Variants in TFAP2B observed in about 807,000 individuals in gnomAD.
TFAP2B encodes the protein transcription factor AP-2 beta.
TFAP2B carries 9 observed loss-of-function variants against 44.3 expected under a neutral mutation model. The observed-to-expected ratio is 0.20, with a 90% CI of 0.12 to 0.35. The LOEUF (loss-of-function observed/expected upper bound fraction) is 0.35, where lower values mean the gene tolerates loss of function less well. Ranked by LOEUF, TFAP2B falls within the 10% of genes least tolerant of loss-of-function variation. The pLI is 1.00. For missense variants in TFAP2B, 509 were observed against 600.0 expected (o/e 0.85, Z 1.59); for synonymous variants, 270 against 263.8 (o/e 1.02, Z -0.23).
At chr6:50,828,018 A>G (rs1225861691) in intron 2 of TFAP2B, among the ~76,000 whole-genome samples, 1 of 152,118 alleles carries the variant, frequency 6.6e-6, no homozygotes, top group Non-Finnish European at 1.5e-5. Context: ...AGGGAGGGTA[A>G]ATTGTGAAGG....
chr6:50,842,200 T>TG, intron 6 of TFAP2B, among the ~76,000 whole-genome samples: 1 of 152,366 alleles, frequency 6.6e-6, no homozygotes, highest in Admixed American at 6.5e-5. Flanking sequence ...GCTGTGTGTC[T>TG]GCCTGCCAGC....
intron 3 of TFAP2B, among the ~76,000 whole-genome samples, chr6:50,834,742 T>C (rs1396673436): frequency 6.6e-6 from 1 of 152,166 alleles, no homozygotes; most frequent in Admixed American, 6.5e-5. Flanking sequence ...AATTACAAAG[T>C]GAGATAGACT....
intron 1 of TFAP2B, among the ~76,000 whole-genome samples, chr6:50,819,593 G>A (rs1770265454): frequency 6.6e-6 from 1 of 152,206 alleles, no homozygotes; most frequent in Non-Finnish European, 1.5e-5. Context: ...AGAAATCGCA[G>A]CCGCCTCCTG....
chr6:50,820,187 A>G (rs949124487), intron 1 of TFAP2B, among the ~76,000 whole-genome samples: 1 of 152,216 alleles, frequency 6.6e-6, no homozygotes, highest in African/African-American at 2.4e-5. Flanking sequence ...GCTAGGTCAG[A>G]CGAAAGGTGG....
At chr6:50,841,331 T>C (rs946778433) in intron 6 of TFAP2B, among the ~76,000 whole-genome samples, 1 of 152,160 alleles carries the variant, frequency 6.6e-6, no homozygotes, top group Non-Finnish European at 1.5e-5. Flanking sequence ...CCACCCTCTT[T>C]CTTGAAGGTT....
chr6:50,841,601 C>A (rs563698475), intron 6 of TFAP2B, among the ~76,000 whole-genome samples: 1 of 152,308 alleles, frequency 6.6e-6, no homozygotes, highest in Non-Finnish European at 1.5e-5. Context: ...CTTAGGCCAG[C>A]ACTTCTGAAC....
intron 3 of TFAP2B, among the ~76,000 whole-genome samples, chr6:50,832,545 C>T (rs778758969): frequency 1.3e-5 from 2 of 152,266 alleles, no homozygotes; most frequent in Non-Finnish European, 2.9e-5. Flanking sequence ...GGAAAGGGTG[C>T]TTTGCTGGTG....
intron 2 of TFAP2B, among the ~76,000 whole-genome samples, chr6:50,825,147 A>T (rs71570522): frequency 0.017 from 2,595 of 152,302 alleles, 30 homozygotes; most frequent in Non-Finnish European, 0.027. Flanking sequence ...TTATTTTTTT[A>T]AAAAAGACGG....
Position 50,843,339 on chromosome 6 carries a change from G to A in TFAP2B, c.1330G>A (p.Gly444Arg). Residue 444 changes from glycine to arginine, a missense_variant, in exon 7 of 7, where the codon GGG becomes AGG. Gly to Arg is a moderately radical substitution (Grantham distance 125). Around this residue, in one of 3 missense-constraint regions of TFAP2B, gnomAD observed 168 missense variants for 183.2 expected, o/e 0.92. Transcript: ENST00000393655. ...CACCACCACTAACAGGCACACGTCT[G>A]GGGAAGGCCCAGGTAGTAAAACTGG... is the stretch of plus-strand genomic sequence containing the variant. ...NNTTTNRHTSGEGPGSKTGDK... is the reference protein window; with the variant it reads ...NNTTTNRHTSREGPGSKTGDK... The A allele has an allele frequency of 6.2e-7, 1 of 1,614,132 alleles. No homozygotes were observed. Among genetic ancestry groups the A allele is most frequent in the Non-Finnish European group, 8.5e-7 (1 of 1,180,048 alleles).
rs779789504 is a variant in TFAP2B, at chr6:50,840,137, TTACTGCTG to T, written c.941-17_941-10del. 2.3e-5 allele frequency: 37 copies of T among 1,613,832 alleles called. No homozygotes were observed. Among genetic ancestry groups the T allele is most frequent in the Non-Finnish European group, 3.0e-5 (35 of 1,180,046 alleles). ...AGGGCCTGGGTGCTGATTATTACCT[TTACTGCTG>T]TCTTTTTCAGGAGAAGCTGTTCACT... On this transcript the variant is annotated splice_polypyrimidine_tract_variant and intron_variant, in intron 5 of 6. Coordinates refer to ENST00000393655, the MANE Select transcript of TFAP2B (RefSeq NM_003221.4).
At position 50,823,973 on chromosome 6, in the gene TFAP2B, G is replaced by T. The variant is rs1561958727; in HGVS notation, c.540+108G>T. ...AGCTCTGTCTCTTTTTGGGGAGTTTGTTCCCATGTTTAGAACAGGACTAGA... is the reference window on the plus strand; with the variant it reads ...AGCTCTGTCTCTTTTTGGGGAGTTTTTTCCCATGTTTAGAACAGGACTAGA... On this transcript the variant is annotated intron_variant, in intron 2 of 6. Transcript: ENST00000393655. 4 of 1,235,952 alleles carry T rather than the reference G, an allele frequency of 3.2e-6. 1 individual carries two copies. Among genetic ancestry groups the T allele is most frequent in the Admixed American group, 4.0e-5 (2 of 50,582 alleles). The allele number at this position is 1,235,952 out of a possible 1,614,324, so 76.6% of individuals were successfully genotyped here.
rs1762841371 is a variant in TFAP2B, at chr6:50,845,992, T to C, written c.*2600T>C. 6.5e-6 allele frequency: 1 copy of C among 152,688 alleles called. No homozygotes were observed. The highest frequency in any genetic ancestry group is 1.5e-5 in the Non-Finnish European group (1 of 68,136). 9.5% of individuals were successfully genotyped at this position (152,688 alleles called of 1,614,324 possible). A position where few individuals can be genotyped will look rare whatever the true frequency, so the allele number is the denominator to read the frequency against. Reference sequence around the variant, plus strand: ...AGCGGCCACCCGGGGCGCCGGCTCCTGGAGGGAGAGTGGCCTAGAAATATC... The same window carrying C: ...AGCGGCCACCCGGGGCGCCGGCTCCCGGAGGGAGAGTGGCCTAGAAATATC... On this transcript the variant is annotated 3_prime_UTR_variant, in exon 7 of 7. Transcript: ENST00000393655.
At chr6:50,837,342 A>G (rs1409726487) in intron 4 of TFAP2B, among the ~76,000 whole-genome samples, 5 of 152,182 alleles carry the variant, frequency 3.3e-5, no homozygotes, top group African/African-American at 1.2e-4. Context: ...GAAGTTTTCA[A>G]TCACCCCCTG....
At position 50,840,187 on chromosome 6, in the gene TFAP2B, G is replaced by A. The variant is rs1444024035; in HGVS notation, c.972G>A (p.Gly324=). ...CTGTTCACTTAGCTAGGGATTTTGGGTACATTTGCGAAACGGAGTTTCCCG... is the reference window on the plus strand; with the variant it reads ...CTGTTCACTTAGCTAGGGATTTTGGATACATTTGCGAAACGGAGTTTCCCG... ...GEAVHLARDF[G]YICETEFPAK... The change falls in exon 6 of 7, where the codon GGG becomes GGA. Residue 324 remains glycine (G), a synonymous_variant. Coordinates refer to ENST00000393655, the MANE Select transcript of TFAP2B (RefSeq NM_003221.4). 1.2e-6 allele frequency: 2 copies of A among 1,614,088 alleles called. No individual in the cohort carries two copies. The highest frequency in any genetic ancestry group is 2.2e-5 in the East Asian group (1 of 44,874).
chr6:50,833,776 G>A (rs1762564242), intron 3 of TFAP2B, among the ~76,000 whole-genome samples: 1 of 147,786 alleles, frequency 6.8e-6, no homozygotes, highest in Admixed American at 6.7e-5. Context: ...TTAGCTTCTG[G>A]GACAGGGAGA....
intron 5 of TFAP2B, 107 bp from the exon 6 acceptor site, chr6:50,840,049 A>C: frequency 6.8e-7 from 1 of 1,462,528 alleles, no homozygotes; most frequent in Non-Finnish European, 9.5e-7. Context: ...TGGCTCCAAC[A>C]GCTGGCCTTC....
In TFAP2B at chr6:50,843,403, A is replaced by T. The variant is rs573468915; in HGVS notation, c.*11A>T. On this transcript the variant is annotated 3_prime_UTR_variant, in exon 7 of 7. Transcript: ENST00000393655. ...AAACACAGGAAATGAAAAATTTTTA[A>T]AAAAAGAAGGAAAAATGTTTTAAAT... 1.7e-5 allele frequency: 27 copies of T among 1,610,704 alleles called. No individual in the cohort carries two copies. The highest frequency in any genetic ancestry group is 2.2e-5 in the South Asian group (2 of 90,026).
intron 1 of TFAP2B, among the ~76,000 whole-genome samples, chr6:50,820,897 TG>T (rs1770324017): frequency 1.0e-5 from 1 of 98,366 alleles, no homozygotes; most frequent in South Asian, 3.2e-4. Flanking sequence ...GAGGGAGGGG[TG>T]GAGTGGAAGG....
chr6:50,840,437 G>A, intron 6 of TFAP2B, 140 bp downstream of exon 6: 2 of 1,060,168 alleles, frequency 1.9e-6, no homozygotes, highest in Non-Finnish European at 2.8e-6. Flanking sequence ...GGCAAGCAAG[G>A]TAGGCAGAGT....
Sources: allele counts gnomAD v4.1 joint callset (sites outside exome capture counted in the v4.1 genomes callset), GRCh38; gene constraint gnomAD v4.1.1; regional missense constraint gnomAD v4.1.1; transcripts MANE v1.5; gene names NCBI Gene and HGNC (gene_info 2026-07-23, HGNC 2026-07-21).